Variants in OTUD7A observed in about 807,000 individuals in gnomAD.
OTUD7A encodes OTU deubiquitinase 7A.
Under a neutral mutation model 65.7 loss-of-function variants are expected in OTUD7A, and 12 were observed. The observed-to-expected ratio is 0.18, with a 90% CI of 0.12 to 0.30. OTUD7A has a LOEUF of 0.30. Ranked by LOEUF, OTUD7A falls within the 10% of genes least tolerant of loss-of-function variation. The pLI is 1.00. For synonymous variants in OTUD7A, 641 were observed against 586.3 expected, an observed-to-expected ratio of 1.09 and a Z score of -1.35; for missense variants, 1,148 against 1,304.8, an observed-to-expected ratio of 0.88 and a Z score of 1.85.
intron 3 of OTUD7A, among the ~76,000 whole-genome samples, chr15:31,627,629 T>C (rs1891002402): frequency 6.6e-6 from 1 of 152,168 alleles, no homozygotes; most frequent in Non-Finnish European, 1.5e-5. Flanking sequence ...CTGGGTCAAA[T>C]GATATTTCTA....
In OTUD7A at chr15:31,584,758, G is replaced by C. The variant is rs146273728; in HGVS notation, c.152-14561C>G. Among the ~76,000 whole-genome samples, 5 of 152,294 alleles carry C rather than the reference G, an allele frequency of 3.3e-5. No homozygotes were observed. In the East Asian group the frequency reaches 9.6e-4, roughly 29 times the overall value. ...TGCTGCAGACAAGGGGTGCCCAATAGATGCAGTGGAAAAGGGTCACAGACA... is the reference window on the plus strand; with the variant it reads ...TGCTGCAGACAAGGGGTGCCCAATACATGCAGTGGAAAAGGGTCACAGACA... On this transcript the variant is annotated intron_variant, in intron 3 of 12. Transcript: ENST00000307050.
chr15:31,654,397 C>G (rs1388277296), intron 3 of OTUD7A, among the ~76,000 whole-genome samples: 1 of 150,086 alleles, frequency 6.7e-6, no homozygotes, highest in East Asian at 2.0e-4. Flanking sequence ...CTTATTTTCC[C>G]TAAGTGACTT....
rs547777246 is a variant in OTUD7A at position 31,644,436 on chromosome 15, C to T, written c.151+10660G>A. On this transcript the variant is annotated intron_variant, in intron 3 of 12. Transcript: ENST00000307050. ...TTCACTGTGATCCTTGTGGATCTTGCTTCTTGCTTTTAAGGTTCATTAGGT... is the reference window on the plus strand; with the variant it reads ...TTCACTGTGATCCTTGTGGATCTTGTTTCTTGCTTTTAAGGTTCATTAGGT... Among the ~76,000 whole-genome samples the T allele has an allele frequency of 2.9e-3, 435 of 151,934 alleles. 5 individuals carry two copies. The highest frequency in any genetic ancestry group is 4.9e-3 in the Non-Finnish European group (331 of 67,934).
At chr15:31,661,978 G>A (rs1198177786) in intron 1 of OTUD7A, among the ~76,000 whole-genome samples, 3 of 152,072 alleles carry the variant, frequency 2.0e-5, no homozygotes, top group African/African-American at 7.3e-5. Context: ...CTCCTATGGT[G>A]CCATGTCACA....
intron 8 of OTUD7A, among the ~76,000 whole-genome samples, chr15:31,522,159 A>G (rs1352635028): frequency 1.3e-5 from 2 of 152,164 alleles, no homozygotes; most frequent in East Asian, 3.9e-4. Flanking sequence ...TTATTTCTGC[A>G]TGTGTCTGTG....
intron 3 of OTUD7A, among the ~76,000 whole-genome samples, chr15:31,639,456 C>T (rs1025874389): frequency 1.4e-5 from 2 of 147,436 alleles, no homozygotes; most frequent in Non-Finnish European, 3.0e-5. Context: ...TTAGCCCTCA[C>T]TAAGAATGCC....
chr15:31,800,216 T>C (rs1896082804), intron 1 of OTUD7A, among the ~76,000 whole-genome samples: 1 of 152,046 alleles, frequency 6.6e-6, no homozygotes. Context: ...GCTCACCAAG[T>C]AGGAGCTTTA....
chr15:31,669,268 A>G (rs1892414341), intron 1 of OTUD7A, among the ~76,000 whole-genome samples: 1 of 152,158 alleles, frequency 6.6e-6, no homozygotes, highest in Non-Finnish European at 1.5e-5. Flanking sequence ...AAGGCCCATC[A>G]GGTGGGGGCA....
At chr15:31,501,021 G>A (rs1239922483) in intron 10 of OTUD7A, among the ~76,000 whole-genome samples, 6 of 152,256 alleles carry the variant, frequency 3.9e-5, no homozygotes, top group Non-Finnish European at 8.8e-5. Flanking sequence ...CCCTGGAATT[G>A]TGCAGTGCAC....
chr15:31,778,105 G>C (rs1385887837), intron 1 of OTUD7A, among the ~76,000 whole-genome samples: 1 of 152,100 alleles, frequency 6.6e-6, no homozygotes, highest in African/African-American at 2.4e-5. Context: ...AGCACCATGG[G>C]AATGGCCGAA....
At chr15:31,603,946 A>C (rs914592015) in intron 3 of OTUD7A, among the ~76,000 whole-genome samples, 3 of 152,220 alleles carry the variant, frequency 2.0e-5, no homozygotes, top group Non-Finnish European at 4.4e-5. Context: ...AGGAAACAAC[A>C]GATGCTGGAG....
intron 1 of OTUD7A, among the ~76,000 whole-genome samples, chr15:31,670,542 C>T (rs1216237399): frequency 3.3e-5 from 5 of 152,198 alleles, no homozygotes; most frequent in Non-Finnish European, 7.3e-5. Context: ...TGATGTTGAG[C>T]TCTATTTCAT....
intron 1 of OTUD7A, among the ~76,000 whole-genome samples, chr15:31,673,666 C>T (rs1220272947): frequency 6.6e-6 from 1 of 152,194 alleles, no homozygotes; most frequent in East Asian, 1.9e-4. Context: ...TAAAAAAAAT[C>T]CAAAAACCTT....
At chr15:31,496,413 G>A (rs1278161425) in intron 10 of OTUD7A, among the ~76,000 whole-genome samples, 2 of 151,974 alleles carry the variant, frequency 1.3e-5, no homozygotes, top group East Asian at 1.9e-4. Context: ...TAGTAGAGAC[G>A]GGGTTTCACC....
Position 31,490,304 on chromosome 15 carries a change from T to G in OTUD7A, c.1172-2738A>C, listed in dbSNP as rs907120811. On this transcript the variant is annotated intron_variant, in intron 10 of 12. Coordinates refer to ENST00000307050, the MANE Select transcript of OTUD7A (RefSeq NM_001382637.1). ...CGGAAAGGTGTTTTGTTTTTGTTTT[T>G]GAAAGGCCTCTTGTATGTCTTTTAG... Among the ~76,000 whole-genome samples the G allele has an allele frequency of 7.5e-4, 115 of 152,376 alleles. 1 individual carries two copies. The highest frequency in any genetic ancestry group is 3.7e-4 in the Non-Finnish European group (25 of 68,036).
chr15:31,611,079 T>C (rs974352533), intron 3 of OTUD7A, among the ~76,000 whole-genome samples: 6 of 152,026 alleles, frequency 3.9e-5, no homozygotes, highest in African/African-American at 1.2e-4. Context: ...GAAATCAAGA[T>C]GGAAATTAAA....
At chr15:31,633,813 C>G (rs1224510903) in intron 3 of OTUD7A, among the ~76,000 whole-genome samples, 1 of 152,198 alleles carries the variant, frequency 6.6e-6, no homozygotes, top group African/African-American at 2.4e-5. Flanking sequence ...AGCCCACACT[C>G]CATCTATCTT....
intron 5 of OTUD7A, among the ~76,000 whole-genome samples, chr15:31,549,932 C>T (rs1486823939): frequency 1.3e-5 from 2 of 151,958 alleles, no homozygotes; most frequent in African/African-American, 4.8e-5. Context: ...ATACAAAATA[C>T]TCTACTAAAA....
chr15:31,532,702 C>A (rs921835925), intron 5 of OTUD7A, among the ~76,000 whole-genome samples: 3 of 151,804 alleles, frequency 2.0e-5, no homozygotes, highest in Admixed American at 1.3e-4. Context: ...CTGAGGCGGG[C>A]GGATCACGAG....
Sources: gnomAD v4.1 joint callset for allele counts (sites outside exome capture counted in the v4.1 genomes callset) on GRCh38, gnomAD v4.1.1 for gene constraint, MANE v1.5 for transcripts, NCBI Gene and HGNC (gene_info 2026-07-23, HGNC 2026-07-21) for gene names.